GRIA2: variants seen among roughly 807,000 people sequenced by gnomAD.
GRIA2 encodes glutamate receptor 2.
A neutral mutation model predicts 97.3 loss-of-function variants in GRIA2; 14 were observed. The ratio of observed to expected loss-of-function variants is 0.14; its 90% CI spans 0.10 to 0.23. The LOEUF (loss-of-function observed/expected upper bound fraction) is 0.23, where lower values mean the gene tolerates loss of function less well. Among genes scored for constraint, GRIA2 ranks in the 10% least tolerant of loss-of-function variants. The pLI, the probability that GRIA2 is intolerant of heterozygous loss-of-function variation, is 1.00. For synonymous variants in GRIA2, 412 were observed against 387.8 expected (o/e 1.06, Z -0.73); for missense variants, 558 against 1,069.8 (o/e 0.52, Z 6.67).
At chr4:157,334,160 TTATGGC>T in intron 9 of GRIA2, 40 bp downstream of exon 9, 1 of 945,114 alleles carries the variant, frequency 1.1e-6, no homozygotes, top group Non-Finnish European at 1.8e-6. Context: ...TTGTATTTTC[TTATGGC>T]TAATATCTGC....
chr4:157,305,188 G>A (rs1437997404), intron 3 of GRIA2, among the ~76,000 whole-genome samples: 1 of 152,070 alleles, frequency 6.6e-6, no homozygotes, highest in African/African-American at 2.4e-5. Flanking sequence ...AACTTCTTTA[G>A]TATTTTGTGT....
intron 2 of GRIA2, among the ~76,000 whole-genome samples, chr4:157,283,732 T>A (rs994423578): frequency 6.6e-6 from 1 of 151,962 alleles, no homozygotes; most frequent in African/African-American, 2.4e-5. Flanking sequence ...TTTTGAAAGT[T>A]GTTAGAAATT....
intron 1 of GRIA2, 155 bp downstream of exon 1, chr4:157,221,285 A>C (rs928783775): frequency 1.6e-6 from 1 of 615,008 alleles, no homozygotes; most frequent in African/African-American, 1.8e-5. Flanking sequence ...TTTTCTTAGG[A>C]TGAAGCAAAA....
At chr4:157,286,515 T>C (rs1732852482) in intron 2 of GRIA2, among the ~76,000 whole-genome samples, 2 of 151,476 alleles carry the variant, frequency 1.3e-5, no homozygotes, top group African/African-American at 4.8e-5. Flanking sequence ...GCTTTTACTA[T>C]ACATTCTTTT....
chr4:157,275,381 C>T (rs977478297), intron 2 of GRIA2, among the ~76,000 whole-genome samples: 3 of 152,180 alleles, frequency 2.0e-5, no homozygotes, highest in African/African-American at 7.2e-5. Context: ...AATTAGATCC[C>T]ATTTGTCAAT....
chr4:157,336,050 T>C (rs1160304084), intron 10 of GRIA2, among the ~76,000 whole-genome samples, 173 bp downstream of exon 10: 1 of 152,030 alleles, frequency 6.6e-6, no homozygotes, highest in African/African-American at 2.4e-5. Context: ...AAGCCAGAAG[T>C]AGACATGTAG....
At chr4:157,350,940 T>C (rs1295603427) in intron 12 of GRIA2, among the ~76,000 whole-genome samples, 1 of 150,684 alleles carries the variant, frequency 6.6e-6, no homozygotes, top group East Asian at 1.9e-4. Flanking sequence ...TCTTTTTTTT[T>C]TTTTTTTTGC....
chr4:157,354,433 A>G (rs1736156954), intron 12 of GRIA2, among the ~76,000 whole-genome samples: 1 of 152,192 alleles, frequency 6.6e-6, no homozygotes, highest in East Asian at 1.9e-4. Flanking sequence ...CTTTAAGGAT[A>G]TTAATATGAT....
chr4:157,301,907 G>A (rs1733631937), intron 2 of GRIA2, among the ~76,000 whole-genome samples: 2 of 152,018 alleles, frequency 1.3e-5, no homozygotes, highest in Admixed American at 1.3e-4. Flanking sequence ...AGGCATGGTG[G>A]CTCATGCCTG....
intron 2 of GRIA2, among the ~76,000 whole-genome samples, chr4:157,251,969 A>G (rs1204142812): frequency 1.3e-5 from 2 of 152,116 alleles, no homozygotes; most frequent in African/African-American, 2.4e-5. Flanking sequence ...ATCAAGACAT[A>G]GTTTGCCTTT....
At chr4:157,271,274 C>T (rs6536227) in intron 2 of GRIA2, among the ~76,000 whole-genome samples, 54,758 of 151,718 alleles carry the variant, frequency 0.36, 10,375 homozygotes, top group African/African-American at 0.47. Flanking sequence ...ACAGTCTACC[C>T]TGAGATAGCA....
At chr4:157,285,467 A>G (rs1732796282) in intron 2 of GRIA2, among the ~76,000 whole-genome samples, 1 of 151,344 alleles carries the variant, frequency 6.6e-6, no homozygotes, top group Non-Finnish European at 1.5e-5. Flanking sequence ...ACCTTTTCCT[A>G]TATTTAATTT....
intron 2 of GRIA2, among the ~76,000 whole-genome samples, chr4:157,230,336 G>A (rs183133997): frequency 1.3e-5 from 2 of 152,178 alleles, no homozygotes; most frequent in East Asian, 1.9e-4. Flanking sequence ...TAGTTTCAAG[G>A]TAAGGGAAAA....
At chr4:157,319,050 T>G (rs1734443593) in intron 5 of GRIA2, among the ~76,000 whole-genome samples, 3 of 152,300 alleles carry the variant, frequency 2.0e-5, no homozygotes, top group Admixed American at 2.0e-4. Context: ...AAGACAAAAT[T>G]TCTGTTTGGC....
intron 2 of GRIA2, among the ~76,000 whole-genome samples, chr4:157,276,617 T>C (rs1348115993): frequency 6.6e-6 from 1 of 151,068 alleles, no homozygotes; most frequent in African/African-American, 2.4e-5. Flanking sequence ...TTTTTAAAGA[T>C]CAGTAATATC....
At chr4:157,317,330 G>T (rs1005371303) in intron 4 of GRIA2, among the ~76,000 whole-genome samples, 1 of 152,036 alleles carries the variant, frequency 6.6e-6, no homozygotes, top group Non-Finnish European at 1.5e-5. Flanking sequence ...ATTCTGACTT[G>T]TCATGGACTA....
At chr4:157,269,819 A>G (rs2126787113) in intron 2 of GRIA2, among the ~76,000 whole-genome samples, 2 of 152,182 alleles carry the variant, frequency 1.3e-5, no homozygotes, top group Middle Eastern at 3.4e-3. Flanking sequence ...AATGATTTTT[A>G]TTCGGTATCT....
chr4:157,269,284 C>T (rs909736203), intron 2 of GRIA2, among the ~76,000 whole-genome samples: 2 of 151,862 alleles, frequency 1.3e-5, no homozygotes, highest in Admixed American at 6.6e-5. Flanking sequence ...AGATGAAACC[C>T]GAAAACACTG....
At chr4:157,343,612 G>A (rs1471002842) in intron 12 of GRIA2, among the ~76,000 whole-genome samples, 1 of 152,124 alleles carries the variant, frequency 6.6e-6, no homozygotes, top group Non-Finnish European at 1.5e-5. Flanking sequence ...ACATTGGCTA[G>A]GTCTCAGTGC....
Sources: allele counts gnomAD v4.1 joint callset (sites outside exome capture counted in the v4.1 genomes callset), GRCh38; gene constraint gnomAD v4.1.1; transcripts MANE v1.5; gene names NCBI Gene and HGNC (gene_info 2026-07-23, HGNC 2026-07-21).